SGK3: variants seen among roughly 807,000 people sequenced by gnomAD.
The protein encoded by SGK3 is serum/glucocorticoid regulated kinase family member 3, also known as serine/threonine-protein kinase Sgk3.
SGK3 carries 47 observed loss-of-function variants against 68.5 expected under a neutral mutation model. The observed-to-expected ratio is 0.69, with a 90% CI of 0.54 to 0.87. The LOEUF (loss-of-function observed/expected upper bound fraction) is 0.87. Among genes scored for constraint, SGK3 ranks in the 40% least tolerant of loss-of-function variants. The probability of loss-of-function intolerance (pLI) is 0.00; values close to 1 mark genes in which losing one functional copy is unlikely to be tolerated. For synonymous variants in SGK3, 181 were observed against 189.1 expected (o/e 0.96, Z 0.35); for missense variants, 479 against 575.5 (o/e 0.83, Z 1.72).
chr8:66,726,627 T>C (rs1294403270), intron 1 of SGK3, among the ~76,000 whole-genome samples: 2 of 151,930 alleles, frequency 1.3e-5, no homozygotes, highest in Admixed American at 1.3e-4. Flanking sequence ...TTATACCTAA[T>C]AGAAAAAGAC....
intron 16 of SGK3, among the ~76,000 whole-genome samples, chr8:66,852,449 T>G (rs1349944097): frequency 6.6e-6 from 1 of 151,924 alleles, no homozygotes; most frequent in Non-Finnish European, 1.5e-5. Context: ...GCCCAGCTAA[T>G]TTTTGTATTT....
At chr8:66,764,117 C>T (rs1806249642) in intron 1 of SGK3, among the ~76,000 whole-genome samples, 2 of 152,144 alleles carry the variant, frequency 1.3e-5, no homozygotes, top group African/African-American at 2.4e-5. Context: ...CCCACCTTGG[C>T]CCCCCAGAGT....
intron 1 of SGK3, among the ~76,000 whole-genome samples, chr8:66,783,973 T>C (rs1177417555): frequency 6.6e-6 from 1 of 152,086 alleles, no homozygotes; most frequent in Admixed American, 6.6e-5. Flanking sequence ...CTAGCTGTAA[T>C]CTCCACCTCT....
chr8:66,786,308 C>G (rs978274957), intron 1 of SGK3, among the ~76,000 whole-genome samples: 4 of 152,198 alleles, frequency 2.6e-5, no homozygotes, highest in Non-Finnish European at 4.4e-5. Context: ...TGAAGTCAGA[C>G]CACCTGGGTT....
rs1343892061 is a variant in SGK3, at chr8:66,802,365, G to A, written c.181-2010G>A. ...AACTTCAATGTGTCCTTTATGACTA[G>A]TTTATATTTTAAACTTTTTATTATA... On this transcript the variant is annotated intron_variant, in intron 3 of 16. Transcript: ENST00000521198. 3.9e-5 allele frequency among the ~76,000 whole-genome samples: 6 copies of A among 152,062 alleles called. 1 individual carries two copies. The South Asian group carries it at 6.2e-4, about 16-fold the overall frequency.
intron 5 of SGK3, among the ~76,000 whole-genome samples, chr8:66,819,627 G>A (rs1227848329): frequency 6.6e-6 from 1 of 152,132 alleles, no homozygotes; most frequent in Non-Finnish European, 1.5e-5. Context: ...TCTTAAATGT[G>A]CAGAGAAAAA....
At chr8:66,842,591 C>G (rs1411695177) in intron 13 of SGK3, among the ~76,000 whole-genome samples, 1 of 152,112 alleles carries the variant, frequency 6.6e-6, no homozygotes, top group Non-Finnish European at 1.5e-5. Flanking sequence ...AATTCAAGTT[C>G]ACTGTCTTAG....
At chr8:66,829,155 G>A (rs553828764) in intron 7 of SGK3, among the ~76,000 whole-genome samples, 1 of 152,184 alleles carries the variant, frequency 6.6e-6, no homozygotes, top group South Asian at 2.1e-4. Context: ...AGTCATAATG[G>A]ACATTAGCAT....
intron 1 of SGK3, among the ~76,000 whole-genome samples, chr8:66,756,073 A>G (rs1463491143): frequency 6.6e-6 from 1 of 152,266 alleles, no homozygotes; most frequent in East Asian, 1.9e-4. Flanking sequence ...ATGAGGTCCT[A>G]TGGGTGGGCC....
At chr8:66,768,926 A>T (rs1284683539) in intron 1 of SGK3, among the ~76,000 whole-genome samples, 5 of 152,090 alleles carry the variant, frequency 3.3e-5, no homozygotes, top group Non-Finnish European at 7.4e-5. Flanking sequence ...TTGTTCCTCC[A>T]TATATAACAT....
At chr8:66,746,441 T>A (rs1290833338) in intron 1 of SGK3, among the ~76,000 whole-genome samples, 2 of 152,180 alleles carry the variant, frequency 1.3e-5, no homozygotes, top group Non-Finnish European at 2.9e-5. Context: ...CTGGGCATGG[T>A]AGCTCACACC....
At chr8:66,741,481 T>C (rs1805477931) in intron 1 of SGK3, among the ~76,000 whole-genome samples, 1 of 151,600 alleles carries the variant, frequency 6.6e-6, no homozygotes, top group African/African-American at 2.4e-5. Flanking sequence ...ACCTGGGAGG[T>C]GGAGGTTGCA....
intron 6 of SGK3, among the ~76,000 whole-genome samples, chr8:66,824,564 A>G (rs1317386904): frequency 6.6e-6 from 1 of 152,184 alleles, no homozygotes; most frequent in Non-Finnish European, 1.5e-5. Context: ...TCTTTTGGAA[A>G]GCAATTCAGC....
rs1213244204 is a variant in SGK3, at chr8:66,744,530, T to G, written c.-122+31697T>G. Among the ~76,000 whole-genome samples the G allele has an allele frequency of 5.2e-4, 62 of 119,298 alleles. 1 individual carries two copies. Among genetic ancestry groups the G allele is most frequent in the African/African-American group, 1.7e-3 (57 of 32,722 alleles). The allele number at this position is 119,298 out of a possible 152,430, so 78.3% of individuals were successfully genotyped here. On this transcript the variant is annotated intron_variant, in intron 1 of 16. Transcript: ENST00000521198. ...ATATATATATATATATTTTTTTTTT[T>G]TTTTTTTTTTTTTTTAGATGGAGTC...
intron 2 of SGK3, among the ~76,000 whole-genome samples, chr8:66,797,446 A>G (rs1246214286): frequency 6.6e-6 from 1 of 152,062 alleles, no homozygotes; most frequent in Non-Finnish European, 1.5e-5. Context: ...GCTTCCTCTG[A>G]GACAACCAGA....
intron 1 of SGK3, among the ~76,000 whole-genome samples, chr8:66,765,727 A>G (rs1380483628): frequency 3.9e-5 from 6 of 151,936 alleles, no homozygotes; most frequent in African/African-American, 1.2e-4. Flanking sequence ...TTTGGATTCA[A>G]AATATTTGGA....
chr8:66,786,444 G>A (rs1451300981), intron 1 of SGK3, among the ~76,000 whole-genome samples: 1 of 152,162 alleles, frequency 6.6e-6, no homozygotes, highest in Non-Finnish European at 1.5e-5. Flanking sequence ...GCACAGTCTG[G>A]CTTATAATAA....
intron 2 of SGK3, among the ~76,000 whole-genome samples, chr8:66,795,868 TTA>T (rs1160210454): frequency 2.0e-5 from 3 of 152,166 alleles, no homozygotes; most frequent in Non-Finnish European, 4.4e-5. Flanking sequence ...CTGCCACATT[TTA>T]TGTTTGTTTA....
intron 1 of SGK3, among the ~76,000 whole-genome samples, chr8:66,743,232 T>G (rs1805533570): frequency 6.6e-6 from 1 of 152,194 alleles, no homozygotes; most frequent in Non-Finnish European, 1.5e-5. Flanking sequence ...CTTGAAAATA[T>G]CAAAATGTAT....
Sources: gnomAD v4.1 joint callset for allele counts (sites outside exome capture counted in the v4.1 genomes callset) on GRCh38, gnomAD v4.1.1 for gene constraint, MANE v1.5 for transcripts, NCBI Gene and HGNC (gene_info 2026-07-23, HGNC 2026-07-21) for gene names.